The following SCGB2B2 variants were observed in gnomAD, a reference collection of about 807,000 sequenced individuals.
SCGB2B2 encodes secretoglobin family 2B member 2.
SCGB2B2 carries 11 observed loss-of-function variants against 7.6 expected under a neutral mutation model. The observed-to-expected ratio is 1.45, with a 90% CI of 0.91 to 2.40. The LOEUF is 2.40. Ranked by LOEUF, SCGB2B2 falls within the 30% of genes most tolerant of loss-of-function variation. The pLI, the probability that SCGB2B2 is intolerant of heterozygous loss-of-function variation, is 0.00. For synonymous variants in SCGB2B2, 50 were observed against 48.6 expected, an observed-to-expected ratio of 1.03 and a Z score of -0.12; for missense variants, 104 against 115.4, an observed-to-expected ratio of 0.90 and a Z score of 0.45.
chr19:34,615,342 A>G (rs2066042488), intron 1 of SCGB2B2, among the ~76,000 whole-genome samples: 1 of 151,828 alleles, frequency 6.6e-6, no homozygotes, highest in African/African-American at 2.4e-5. Flanking sequence ...GATGGGGGTT[A>G]TTGGGATCCT....
chr19:34,613,194 G>C (rs1256759491), intron 1 of SCGB2B2, among the ~76,000 whole-genome samples: 1 of 151,882 alleles, frequency 6.6e-6, no homozygotes, highest in Admixed American at 6.6e-5. Flanking sequence ...CACCTCCTGG[G>C]TTCAAGTGAT....
At chr19:34,615,206 C>T (rs2066037758) in intron 1 of SCGB2B2, among the ~76,000 whole-genome samples, 1 of 152,156 alleles carries the variant, frequency 6.6e-6, no homozygotes, top group African/African-American at 2.4e-5. Context: ...GGGAGCAGGA[C>T]ACAGGGTGGG....
intron 1 of SCGB2B2, among the ~76,000 whole-genome samples, chr19:34,659,869 T>C (rs753577189): frequency 6.6e-6 from 1 of 152,148 alleles, no homozygotes; most frequent in Non-Finnish European, 1.5e-5. Flanking sequence ...GGAGGCATCA[T>C]GCTACCTGAC....
At chr19:34,630,736 C>T (rs2066506089) in intron 1 of SCGB2B2, among the ~76,000 whole-genome samples, 1 of 152,118 alleles carries the variant, frequency 6.6e-6, no homozygotes, top group Admixed American at 6.5e-5. Flanking sequence ...ACTAGTATTA[C>T]CATTTGACCC....
At chr19:34,634,300 C>T (rs754536526) in intron 1 of SCGB2B2, among the ~76,000 whole-genome samples, 28 of 152,186 alleles carry the variant, frequency 1.8e-4, no homozygotes, top group African/African-American at 6.0e-4. Flanking sequence ...TCCAGGGAAG[C>T]GGAGGGAGTA....
At chr19:34,634,521 T>A (rs1375756993) in intron 1 of SCGB2B2, among the ~76,000 whole-genome samples, 3 of 146,356 alleles carry the variant, frequency 2.0e-5, no homozygotes, top group Non-Finnish European at 4.5e-5. Context: ...AGATGTGAGA[T>A]TAACTTTTGG....
At position 34,594,915 on chromosome 19, in the gene SCGB2B2, G is replaced by C; in HGVS notation, c.-352C>G. 1 of 321,176 alleles carries C rather than the reference G, an allele frequency of 3.1e-6. No homozygotes were observed. The highest frequency in any genetic ancestry group is 6.0e-6 in the Non-Finnish European group (1 of 166,926). The allele number at this position is 321,176 out of a possible 1,614,324, so 19.9% of individuals were successfully genotyped here. A position where few individuals can be genotyped will look rare whatever the true frequency, so the allele number is the denominator to read the frequency against. On this transcript the variant is annotated 5_prime_UTR_variant, in exon 2 of 4. Coordinates refer to ENST00000601241, the MANE Select transcript of SCGB2B2 (RefSeq NM_001025591.4). ...AGTGTGCATGCACATGTGACCCTGT[G>C]TCTTGGCAAACGTGTGTCTGCACTT...
At position 34,592,319 on chromosome 19, in the gene SCGB2B2, T is replaced by G. The variant is rs2065316295; in HGVS notation, c.*1236A>C. Among the ~76,000 whole-genome samples, 1 of 151,976 alleles carries G rather than the reference T, an allele frequency of 6.6e-6. No individual in the cohort carries two copies. Among genetic ancestry groups the G allele is most frequent in the South Asian group, 2.1e-4 (1 of 4,812 alleles). ...GCCCTGCTGAAGGTGGGTCTGCACT[T>G]GTAGGGAAATGAGCTCTCAAAGATC... On this transcript the variant is annotated 3_prime_UTR_variant, in exon 4 of 4. Transcript: ENST00000601241.
intron 1 of SCGB2B2, among the ~76,000 whole-genome samples, chr19:34,631,822 A>C (rs2066543467): frequency 6.6e-6 from 1 of 152,176 alleles, no homozygotes; most frequent in South Asian, 2.1e-4. Flanking sequence ...AACAAAATAA[A>C]AACAGAAAAA....
chr19:34,619,864 T>G (rs1306830016), intron 1 of SCGB2B2, among the ~76,000 whole-genome samples: 2 of 152,216 alleles, frequency 1.3e-5, no homozygotes, highest in East Asian at 1.9e-4. Flanking sequence ...AATGTCCCTT[T>G]TTTAGACCCA....
chr19:34,639,725 A>G (rs1024565182), intron 1 of SCGB2B2, among the ~76,000 whole-genome samples: 3 of 152,214 alleles, frequency 2.0e-5, no homozygotes, highest in Admixed American at 6.5e-5. Context: ...TTGGGTCCGC[A>G]GAGAATTTGC....
chr19:34,635,551 C>T (rs1054888231), intron 1 of SCGB2B2: 2 of 258,448 alleles, frequency 7.7e-6, no homozygotes, highest in South Asian at 5.4e-5. Flanking sequence ...CTCTGGTGTA[C>T]AGTAAGGCTA....
intron 1 of SCGB2B2, among the ~76,000 whole-genome samples, chr19:34,605,458 G>C (rs553559731): frequency 8.5e-5 from 13 of 152,088 alleles, no homozygotes; most frequent in African/African-American, 2.9e-4. Context: ...TCTTCATTCC[G>C]GTGGCTTTGC....
At chr19:34,597,327 T>C (rs1450100662) in intron 1 of SCGB2B2, among the ~76,000 whole-genome samples, 1 of 152,094 alleles carries the variant, frequency 6.6e-6, no homozygotes, top group Non-Finnish European at 1.5e-5. Flanking sequence ...CATGACCAGA[T>C]CGTGCACTTT....
At chr19:34,670,769 A>C (rs1037428220) in intron 1 of SCGB2B2, among the ~76,000 whole-genome samples, 3 of 152,204 alleles carry the variant, frequency 2.0e-5, no homozygotes, top group Admixed American at 1.3e-4. Flanking sequence ...CTTTGATTGA[A>C]CATGTTTTTG....
intron 1 of SCGB2B2, among the ~76,000 whole-genome samples, chr19:34,625,650 G>A (rs1342501213): frequency 6.6e-6 from 1 of 152,220 alleles, no homozygotes; most frequent in Non-Finnish European, 1.5e-5. Flanking sequence ...GCCCAACACA[G>A]CTCAAGGAGG....
chr19:34,608,691 T>C (rs2065850469), intron 1 of SCGB2B2: 1 of 47,628 alleles, frequency 2.1e-5, no homozygotes, highest in Admixed American at 2.5e-4. Flanking sequence ...ATATACCGTA[T>C]TTTCTTCATC....
chr19:34,636,083 A>T (rs545216473), intron 1 of SCGB2B2, among the ~76,000 whole-genome samples: 4 of 152,210 alleles, frequency 2.6e-5, no homozygotes, highest in African/African-American at 9.6e-5. Context: ...GACCTGTGAC[A>T]CTCCTTGAGA....
chr19:34,643,230 T>G (rs2066895888), intron 1 of SCGB2B2, among the ~76,000 whole-genome samples: 1 of 152,208 alleles, frequency 6.6e-6, no homozygotes, highest in African/African-American at 2.4e-5. Context: ...ATCCCTATAT[T>G]ATTACTATAA....
Sources: gnomAD v4.1 joint callset for allele counts (sites outside exome capture counted in the v4.1 genomes callset) on GRCh38, gnomAD v4.1.1 for gene constraint, MANE v1.5 for transcripts, NCBI Gene and HGNC (gene_info 2026-07-23, HGNC 2026-07-21) for gene names.